Variants in VPS41 observed in about 807,000 individuals in gnomAD.
The protein encoded by VPS41 is vacuolar protein sorting-associated protein 41 homolog.
In VPS41, 85 loss-of-function variants were observed where a neutral mutation model predicts 130.9. The ratio of observed to expected loss-of-function variants is 0.65; its 90% CI spans 0.55 to 0.78. The LOEUF (loss-of-function observed/expected upper bound fraction) is 0.78. Ranked by LOEUF, VPS41 falls within the 30% of genes least tolerant of loss-of-function variation. The probability of loss-of-function intolerance (pLI) is 0.00; values close to 1 mark genes in which losing one functional copy is unlikely to be tolerated. For missense variants in VPS41, 874 were observed against 1,018.7 expected (o/e 0.86, Z 1.93); for synonymous variants, 335 against 332.9 (o/e 1.01, Z -0.07).
At chr7:38,837,841 T>G (rs1785528370) in intron 4 of VPS41, among the ~76,000 whole-genome samples, 1 of 152,228 alleles carries the variant, frequency 6.6e-6, no homozygotes, top group South Asian at 2.1e-4. Context: ...GTTACTCCTT[T>G]CTATGCTTTA....
In VPS41 at chr7:38,889,361, T is replaced by TAA. The variant is rs34136101; in HGVS notation, c.60+8728_60+8729dup. ...TAATTAAACTTGCAAACACTAAAGT[T>TAA]AAAAAAAAAAAAAATCTTGAAAACA... On this transcript the variant is annotated intron_variant, in intron 2 of 28. Transcript: ENST00000310301. Among the ~76,000 whole-genome samples the TAA allele has an allele frequency of 7.2e-4, 103 of 143,778 alleles. 1 individual carries two copies. The highest frequency in any genetic ancestry group is 3.5e-3 in the Middle Eastern group (1 of 282). 94.3% of individuals were successfully genotyped at this position (143,778 alleles called of 152,430 possible). A position where few individuals can be genotyped will look rare whatever the true frequency, so the allele number is the denominator to read the frequency against.
At chr7:38,815,308 C>A (rs1785023471) in intron 7 of VPS41, among the ~76,000 whole-genome samples, 1 of 152,058 alleles carries the variant, frequency 6.6e-6, no homozygotes, top group African/African-American at 2.4e-5. Flanking sequence ...TCTGTAGTCC[C>A]AGCTACTCAG....
chr7:38,763,322 G>C, intron 17 of VPS41, 133 bp downstream of exon 17: 1 of 500,872 alleles, frequency 2.0e-6, no homozygotes, highest in Non-Finnish European at 3.4e-6. Context: ...AGTTTCTCTA[G>C]CTCAGTTTCA....
chr7:38,900,430 A>C (rs137976231), intron 1 of VPS41, among the ~76,000 whole-genome samples: 36 of 152,292 alleles, frequency 2.4e-4, no homozygotes, highest in African/African-American at 7.2e-4. Context: ...AAAATTATTT[A>C]ATGGATACAA....
chr7:38,766,081 G>C (rs1028966045), intron 15 of VPS41, among the ~76,000 whole-genome samples: 3 of 152,190 alleles, frequency 2.0e-5, no homozygotes, highest in Non-Finnish European at 4.4e-5. Context: ...TACAAAATCA[G>C]ACTTCAGAAA....
At chr7:38,863,582 G>C (rs1332537014) in intron 3 of VPS41, among the ~76,000 whole-genome samples, 1 of 152,158 alleles carries the variant, frequency 6.6e-6, no homozygotes, top group African/African-American at 2.4e-5. Context: ...CTTAAAATAT[G>C]AAGCTACATT....
intron 21 of VPS41, among the ~76,000 whole-genome samples, chr7:38,753,910 C>A (rs1184518891): frequency 6.6e-6 from 1 of 152,158 alleles, no homozygotes; most frequent in Non-Finnish European, 1.5e-5. Flanking sequence ...TTCCCTAAGC[C>A]TCCTCCTAGG....
intron 17 of VPS41, among the ~76,000 whole-genome samples, chr7:38,760,689 A>G (rs539527894): frequency 6.6e-6 from 1 of 152,114 alleles, no homozygotes; most frequent in Non-Finnish European, 1.5e-5. Flanking sequence ...CTTTTCCCCA[A>G]GTATGTCCCT....
At chr7:38,853,411 TC>T (rs913349712) in intron 4 of VPS41, among the ~76,000 whole-genome samples, 1 of 74,806 alleles carries the variant, frequency 1.3e-5, no homozygotes, top group Non-Finnish European at 2.3e-5. Context: ...AGAGCGAGAC[TC>T]CTTCTCAAAA....
chr7:38,728,659 G>A (rs776656477), intron 26 of VPS41, 33 bp downstream of exon 26: 10 of 1,613,218 alleles, frequency 6.2e-6, no homozygotes, highest in South Asian at 4.4e-5. Flanking sequence ...AGCAGGGCAC[G>A]TGGTTCCATA....
At chr7:38,892,811 T>C (rs1786895553) in intron 2 of VPS41, among the ~76,000 whole-genome samples, 1 of 152,164 alleles carries the variant, frequency 6.6e-6, no homozygotes, top group African/African-American at 2.4e-5. Context: ...ACTGGACTCA[T>C]TTTACTGTAA....
At chr7:38,780,091 T>C (rs1257770508) in intron 10 of VPS41, among the ~76,000 whole-genome samples, 1 of 134,458 alleles carries the variant, frequency 7.4e-6, no homozygotes, top group Admixed American at 7.1e-5. Context: ...CTGGAAAAGA[T>C]AAATCACAAA....
rs77039480 is a variant in VPS41 at position 38,833,085 on chromosome 7, T to C, written c.247-2757A>G. ...GTAAAAACTTTCAAGCTACTTTTGA[T>C]TCCTGTCTTTATGTCCACTCTATAT... is the stretch of plus-strand genomic sequence containing the variant. On this transcript the variant is annotated intron_variant, in intron 4 of 28. Coordinates refer to ENST00000310301, the MANE Select transcript of VPS41 (RefSeq NM_014396.4). Among the ~76,000 whole-genome samples the C allele has an allele frequency of 7.9e-5, 12 of 152,342 alleles. No individual in the cohort carries two copies. In the East Asian group the frequency reaches 1.9e-3, roughly 24 times the overall value.
chr7:38,826,108 C>T (rs1230855303), intron 5 of VPS41, among the ~76,000 whole-genome samples: 2 of 152,182 alleles, frequency 1.3e-5, no homozygotes, highest in Non-Finnish European at 2.9e-5. Flanking sequence ...CCCAGGCTGA[C>T]TAACAGAGAC....
intron 7 of VPS41, among the ~76,000 whole-genome samples, chr7:38,797,375 G>A (rs1176147244): frequency 6.6e-6 from 1 of 151,888 alleles, no homozygotes; most frequent in Non-Finnish European, 1.5e-5. Flanking sequence ...AAAAACAATT[G>A]GAATTAAGCT....
chr7:38,900,320 A>G (rs1787113623), intron 1 of VPS41, among the ~76,000 whole-genome samples: 4 of 152,188 alleles, frequency 2.6e-5, no homozygotes, highest in African/African-American at 7.2e-5. Flanking sequence ...ACAGTCAAAT[A>G]TGCATGTTCT....
intron 1 of VPS41, among the ~76,000 whole-genome samples, chr7:38,905,642 C>T (rs1042758299): frequency 1.2e-4 from 19 of 152,074 alleles, no homozygotes; most frequent in African/African-American, 4.6e-4. Context: ...ACAACACTCA[C>T]GAAAGATAAT....
In VPS41 at chr7:38,774,236, T is replaced by C; in HGVS notation, c.891A>G (p.Glu297=). The C allele has an allele frequency of 6.3e-7, 1 of 1,580,936 alleles. No homozygotes were observed. The highest frequency in any genetic ancestry group is 1.8e-5 in the Admixed American group (1 of 56,636). ...VKEISEKTER[E]YCARPRLDII... Reference sequence around the variant, plus strand: ...TGTCCAGTCTAGGCCTGGCACAGTATTCTCTTTCCTAGTGGGGGAAAAGAG... The same window carrying C: ...TGTCCAGTCTAGGCCTGGCACAGTACTCTCTTTCCTAGTGGGGGAAAAGAG... The change falls in exon 12 of 29, where the codon GAA becomes GAG. Residue 297 remains glutamate (E), a synonymous_variant. Transcript: ENST00000310301.
At chr7:38,858,391 A>G (rs541804686) in intron 4 of VPS41, among the ~76,000 whole-genome samples, 97 of 152,310 alleles carry the variant, frequency 6.4e-4, no homozygotes, top group Non-Finnish European at 1.3e-3. Context: ...CTTAATGTTA[A>G]TGCCGGTCAG....
Sources: gnomAD v4.1 joint callset for allele counts (sites outside exome capture counted in the v4.1 genomes callset) on GRCh38, gnomAD v4.1.1 for gene constraint, MANE v1.5 for transcripts, NCBI Gene and HGNC (gene_info 2026-07-23, HGNC 2026-07-21) for gene names.